CNTNAP2: variants seen among roughly 807,000 people sequenced by gnomAD.
CNTNAP2 encodes contactin associated protein 2.
Under a neutral mutation model 155.2 loss-of-function variants are expected in CNTNAP2, and 98 were observed. That is an observed-to-expected ratio of 0.63 (90% CI 0.54 to 0.75). The LOEUF is 0.75. CNTNAP2 is among the 30% of genes least tolerant of loss of function. The pLI is 0.00. For missense variants in CNTNAP2, 1,727 were observed against 1,688.1 expected, an observed-to-expected ratio of 1.02 and a Z score of -0.40; for synonymous variants, 651 against 631.2, an observed-to-expected ratio of 1.03 and a Z score of -0.47.
At chr7:147,752,420 T>C (rs1797150343) in intron 13 of CNTNAP2, among the ~76,000 whole-genome samples, 1 of 152,190 alleles carries the variant, frequency 6.6e-6, no homozygotes, top group South Asian at 2.1e-4. Context: ...AGTTGAATAG[T>C]GACAGGCAGT....
At chr7:146,722,242 C>T (rs981879294) in intron 1 of CNTNAP2, among the ~76,000 whole-genome samples, 2 of 151,920 alleles carry the variant, frequency 1.3e-5, no homozygotes, top group Non-Finnish European at 2.9e-5. Flanking sequence ...CTGAGCTGTA[C>T]AACAGGAACA....
chr7:148,080,556 G>C (rs1803577833), intron 15 of CNTNAP2, among the ~76,000 whole-genome samples: 2 of 139,934 alleles, frequency 1.4e-5, no homozygotes, highest in Admixed American at 1.5e-4. Context: ...AGCGAGCCGA[G>C]ATTGCACCAC....
chr7:147,904,338 G>A (rs1165542903), intron 14 of CNTNAP2, among the ~76,000 whole-genome samples: 8 of 152,210 alleles, frequency 5.3e-5, no homozygotes, highest in East Asian at 3.9e-4. Context: ...GTTCTGCCCC[G>A]CAGTGAATAG....
intron 1 of CNTNAP2, among the ~76,000 whole-genome samples, chr7:146,505,449 T>G (rs570210197): frequency 6.6e-6 from 1 of 152,348 alleles, no homozygotes; most frequent in Admixed American, 6.5e-5. Flanking sequence ...GTACCACAAC[T>G]TTTCAGCACC....
chr7:147,452,226 CAGAT>C (rs1218257041), intron 10 of CNTNAP2, among the ~76,000 whole-genome samples: 3 of 152,142 alleles, frequency 2.0e-5, no homozygotes, highest in East Asian at 1.9e-4. Context: ...ACATATCAGA[CAGAT>C]AGACATTCAA....
intron 9 of CNTNAP2, among the ~76,000 whole-genome samples, chr7:147,363,347 G>A (rs1397391599): frequency 6.6e-6 from 1 of 152,170 alleles, no homozygotes; most frequent in African/African-American, 2.4e-5. Flanking sequence ...AAAAAGGAAT[G>A]TTATTGTTTA....
intron 1 of CNTNAP2, among the ~76,000 whole-genome samples, chr7:146,644,625 G>T (rs767126595): frequency 6.6e-6 from 1 of 151,762 alleles, no homozygotes; most frequent in South Asian, 2.1e-4. Context: ...GCAAATAGAC[G>T]CAATAAAAAA....
chr7:148,216,405 A>T (rs1043845775), intron 18 of CNTNAP2, among the ~76,000 whole-genome samples: 1 of 152,200 alleles, frequency 6.6e-6, no homozygotes, highest in African/African-American at 2.4e-5. Flanking sequence ...GGCAGAGCCA[A>T]ATTTGAACCC....
chr7:147,341,446 TTAAAAAA>T (rs2116860440), intron 9 of CNTNAP2, among the ~76,000 whole-genome samples: 1 of 142,882 alleles, frequency 7.0e-6, no homozygotes, highest in Non-Finnish European at 1.5e-5. Flanking sequence ...AAAAAAAAAT[TTAAAAAA>T]TAATAAAAAG....
intron 8 of CNTNAP2, among the ~76,000 whole-genome samples, chr7:147,137,686 A>C (rs575520790): frequency 7.7e-4 from 117 of 152,052 alleles, no homozygotes; most frequent in African/African-American, 2.7e-3. Flanking sequence ...ATTTACATAC[A>C]AATGGAGCAT....
intron 1 of CNTNAP2, among the ~76,000 whole-genome samples, chr7:146,335,927 C>T (rs940951222): frequency 4.6e-5 from 7 of 152,112 alleles, no homozygotes; most frequent in South Asian, 4.2e-4. Flanking sequence ...GGCCAGGGCG[C>T]GGTGACCCAC....
chr7:148,183,128 G>T (rs570141087), intron 18 of CNTNAP2, among the ~76,000 whole-genome samples: 35 of 152,340 alleles, frequency 2.3e-4, no homozygotes, highest in African/African-American at 7.7e-4. Context: ...AGCAAGGAAG[G>T]ACAGGATGAA....
chr7:147,856,745 G>A (rs1799046930), intron 13 of CNTNAP2, among the ~76,000 whole-genome samples: 1 of 151,946 alleles, frequency 6.6e-6, no homozygotes. Context: ...TTCTGTTAAA[G>A]GAGTAATCAT....
chr7:146,810,678 T>C lies in CNTNAP2; in HGVS notation c.209-29033T>C, dbSNP rs746172590. The stretch of plus-strand genomic sequence containing the variant: ...ACTTGGACTTCCATACTAGGTTGAA[T>C]AGAAGTGACAAGAGTGTGCACCTTT... On this transcript the variant is annotated intron_variant, in intron 2 of 23. Coordinates refer to ENST00000361727, the MANE Select transcript of CNTNAP2 (RefSeq NM_014141.6). Among the ~76,000 whole-genome samples, 24 of 152,200 alleles carry C rather than the reference T, an allele frequency of 1.6e-4. No homozygotes were observed. The East Asian group carries it at 1.7e-3, about 11-fold the overall frequency.
rs192429723 is a variant in CNTNAP2 at position 148,376,263 on chromosome 7, C to T, written c.3476-7386C>T. Reference sequence around the variant, plus strand: ...CAGGTGCAGTGGCTCCCATCTATAACGCCAGCACTTTGGGAGGCTGAGGGG... The same window carrying T: ...CAGGTGCAGTGGCTCCCATCTATAATGCCAGCACTTTGGGAGGCTGAGGGG... On this transcript the variant is annotated intron_variant, in intron 21 of 23. Coordinates refer to ENST00000361727, the MANE Select transcript of CNTNAP2 (RefSeq NM_014141.6). 6.1e-5 allele frequency among the ~76,000 whole-genome samples: 4 copies of T among 65,854 alleles called. 2 individuals are homozygous for T. The highest frequency in any genetic ancestry group is 9.0e-4 in the East Asian group (2 of 2,228). 43.2% of individuals were successfully genotyped at this position (65,854 alleles called of 152,430 possible).
chr7:147,983,560 G>T (rs1801569595), intron 15 of CNTNAP2, among the ~76,000 whole-genome samples: 1 of 152,194 alleles, frequency 6.6e-6, no homozygotes, highest in South Asian at 2.1e-4. Flanking sequence ...CTCAGAACAT[G>T]TGTCCAAGGG....
chr7:147,004,800 AT>A (rs1382483835), intron 3 of CNTNAP2, among the ~76,000 whole-genome samples: 1 of 152,102 alleles, frequency 6.6e-6, no homozygotes, highest in African/African-American at 2.4e-5. Context: ...TACAGAATTA[AT>A]TAGCTTCTCC....
intron 1 of CNTNAP2, among the ~76,000 whole-genome samples, chr7:146,759,124 A>T (rs1229199773): frequency 6.6e-6 from 1 of 152,068 alleles, no homozygotes; most frequent in Non-Finnish European, 1.5e-5. Flanking sequence ...AAACAATTTT[A>T]TTTAGAAATT....
intron 4 of CNTNAP2, among the ~76,000 whole-genome samples, chr7:147,107,819 A>T (rs546928321): frequency 1.4e-4 from 22 of 152,290 alleles, no homozygotes; most frequent in African/African-American, 5.0e-4. Context: ...TTTGAGATTT[A>T]AAAATTTTAC....
Sources: gnomAD v4.1 joint callset for allele counts (sites outside exome capture counted in the v4.1 genomes callset) on GRCh38, gnomAD v4.1.1 for gene constraint, MANE v1.5 for transcripts, NCBI Gene and HGNC (gene_info 2026-07-23, HGNC 2026-07-21) for gene names.